The following SLC12A2 variants were observed in gnomAD, a reference collection of about 807,000 sequenced individuals.
The protein encoded by SLC12A2 is solute carrier family 12 member 2.
In SLC12A2, 67 loss-of-function variants were observed where a neutral mutation model predicts 136.3. The observed-to-expected ratio is 0.49, with a 90% CI of 0.40 to 0.60. The LOEUF is 0.60. SLC12A2 is among the 20% of genes least tolerant of loss of function. SLC12A2 has a pLI of 0.00. For synonymous variants in SLC12A2, 619 were observed against 562.9 expected, an observed-to-expected ratio of 1.10 and a Z score of -1.41; for missense variants, 1,322 against 1,534.7, an observed-to-expected ratio of 0.86 and a Z score of 2.32.
intron 1 of SLC12A2, among the ~76,000 whole-genome samples, chr5:128,105,204 C>A (rs928661466): frequency 1.3e-5 from 2 of 152,142 alleles, no homozygotes; most frequent in African/African-American, 4.8e-5. Context: ...GTGGTAAGAT[C>A]AATATTTTAT....
intron 11 of SLC12A2, 85 bp downstream of exon 11, chr5:128,147,814 A>G (rs755817786): frequency 5.9e-5 from 47 of 797,082 alleles, no homozygotes; most frequent in Non-Finnish European, 9.7e-5. Context: ...TTTTCAAATT[A>G]TTTGCTTCTA....
At position 128,187,692 on chromosome 5, in the gene SLC12A2, G is replaced by T. The variant is rs1253072049; in HGVS notation, c.*1061G>T. ...GTTTTTAGGCTTAATTCATTCAATT[G>T]TCAAGTACACTTAGTCTTAATACAC... is the stretch of plus-strand genomic sequence containing the variant. On this transcript the variant is annotated 3_prime_UTR_variant, in exon 27 of 27. Coordinates refer to ENST00000262461, the MANE Select transcript of SLC12A2 (RefSeq NM_001046.3). 2 of 152,486 alleles carry T rather than the reference G, an allele frequency of 1.3e-5. No homozygotes were observed. The highest frequency in any genetic ancestry group is 2.9e-5 in the Non-Finnish European group (2 of 67,970). 9.4% of individuals were successfully genotyped at this position (152,486 alleles called of 1,614,324 possible).
At chr5:128,111,798 A>ATG (rs1242500658) in intron 1 of SLC12A2, among the ~76,000 whole-genome samples, 3 of 139,240 alleles carry the variant, frequency 2.2e-5, no homozygotes, top group Admixed American at 7.2e-5. Flanking sequence ...GCATATATAT[A>ATG]TGTGTGTGTA....
At chr5:128,166,275 G>A (rs550633886) in intron 17 of SLC12A2, among the ~76,000 whole-genome samples, 14 of 152,038 alleles carry the variant, frequency 9.2e-5, no homozygotes, top group East Asian at 3.9e-4. Flanking sequence ...AGCAAAACCC[G>A]TAAAACTCTT....
At chr5:128,135,594 A>G in intron 6 of SLC12A2, 106 bp from the exon 7 acceptor site, 2 of 763,018 alleles carry the variant, frequency 2.6e-6, no homozygotes, top group Admixed American at 4.5e-5. Flanking sequence ...AATCAGGCAA[A>G]ACAAGACAGA....
intron 1 of SLC12A2, among the ~76,000 whole-genome samples, chr5:128,085,676 G>A (rs1462343650): frequency 6.6e-6 from 1 of 152,174 alleles, no homozygotes; most frequent in Non-Finnish European, 1.5e-5. Flanking sequence ...ATTTGTGAAC[G>A]CAAGAGGATG....
chr5:128,086,280 A>G (rs1028147910), intron 1 of SLC12A2, among the ~76,000 whole-genome samples: 1 of 152,184 alleles, frequency 6.6e-6, no homozygotes, highest in Admixed American at 6.5e-5. Flanking sequence ...AAGCACTTCA[A>G]GTTCTCCAAA....
chr5:128,133,953 CAT>C (rs1274976390), intron 5 of SLC12A2, among the ~76,000 whole-genome samples: 2 of 152,012 alleles, frequency 1.3e-5, no homozygotes, highest in African/African-American at 4.8e-5. Flanking sequence ...CATTAATAAT[CAT>C]ACATTTATGT....
chr5:128,151,233 A>G lies in SLC12A2; in HGVS notation c.2108-8A>G, dbSNP rs772485519. On this transcript the variant is annotated splice_region_variant and splice_polypyrimidine_tract_variant and intron_variant, in intron 13 of 26. Transcript: ENST00000262461. The stretch of plus-strand genomic sequence containing the variant: ...TTTGTGTGACTTTTATTTATTTGTT[A>G]TTGTTAGGATGGCGTCCTGCATTCA... 2 of 1,597,652 alleles carry G rather than the reference A, an allele frequency of 1.3e-6. No homozygotes were observed. Among genetic ancestry groups the G allele is most frequent in the Non-Finnish European group, 8.5e-7 (1 of 1,173,108 alleles).
Position 128,178,644 on chromosome 5 carries a change from CAAGGA to C in SLC12A2, c.3059_3063del (p.Gly1020GlufsTer4). ...AGCTAGTACACAGTTTCAGAAAAAACAAGGAAAGAATACTATTGATGTCTGGTGGC... is the reference window on the plus strand; with the variant it reads ...AGCTAGTACACAGTTTCAGAAAAAACAAGAATACTATTGATGTCTGGTGGC... On this transcript the variant is annotated frameshift_variant, in exon 22 of 27. Coordinates refer to ENST00000262461, the MANE Select transcript of SLC12A2 (RefSeq NM_001046.3). LOFTEE classifies it high-confidence loss of function. 6.2e-7 allele frequency: 1 copy of C among 1,600,964 alleles called. No homozygotes were observed. The highest frequency in any genetic ancestry group is 2.3e-5 in the East Asian group (1 of 44,220).
rs867061204 is a variant in SLC12A2 at position 128,165,929 on chromosome 5, C to G, written c.2617-1832C>G. Among the ~76,000 whole-genome samples the G allele has an allele frequency of 1.1e-4, 16 of 146,134 alleles. 1 individual carries two copies. Among genetic ancestry groups the G allele is most frequent in the Middle Eastern group, 7.1e-3 (2 of 280 alleles). On this transcript the variant is annotated intron_variant, in intron 17 of 26. Coordinates refer to ENST00000262461, the MANE Select transcript of SLC12A2 (RefSeq NM_001046.3). ...GGTTTTCTTTTACCTCCCCCCCCCCCCCCCAGTTAAAAATATGCTGTGTGG... is the reference window on the plus strand; with the variant it reads ...GGTTTTCTTTTACCTCCCCCCCCCCGCCCCAGTTAAAAATATGCTGTGTGG...
chr5:128,100,831 T>C (rs1760717784), intron 1 of SLC12A2, among the ~76,000 whole-genome samples: 1 of 152,200 alleles, frequency 6.6e-6, no homozygotes, highest in Admixed American at 6.5e-5. Context: ...CGAATTAAAA[T>C]ATTTTCAAGC....
intron 19 of SLC12A2, among the ~76,000 whole-genome samples, chr5:128,172,492 C>T (rs1763408339): frequency 6.6e-6 from 1 of 152,200 alleles, no homozygotes; most frequent in Admixed American, 6.5e-5. Context: ...CAGAGGTCTC[C>T]CTATGTGTTC....
intron 4 of SLC12A2, 40 bp downstream of exon 4, chr5:128,114,721 C>T (rs113027108): frequency 2.3e-5 from 27 of 1,182,062 alleles, no homozygotes; most frequent in African/African-American, 1.2e-4. Flanking sequence ...TCAGATTACT[C>T]TTACTAAACA....
chr5:128,107,127 A>G lies in SLC12A2; in HGVS notation c.757-5687A>G, dbSNP rs10478799. Among the ~76,000 whole-genome samples, 451 of 152,290 alleles carry G rather than the reference A, an allele frequency of 3.0e-3. 1 individual carries two copies. The highest frequency in any genetic ancestry group is 0.01 in the African/African-American group (422 of 41,568). Reference sequence around the variant, plus strand: ...ATTTGAATAATTGAACAGTTGAATCATCAATCCCTATTCAGAGTCATTTCT... The same window carrying G: ...ATTTGAATAATTGAACAGTTGAATCGTCAATCCCTATTCAGAGTCATTTCT... On this transcript the variant is annotated intron_variant, in intron 1 of 26. Coordinates refer to ENST00000262461, the MANE Select transcript of SLC12A2 (RefSeq NM_001046.3).
intron 4 of SLC12A2, among the ~76,000 whole-genome samples, chr5:128,120,602 C>T (rs1356424317): frequency 2.7e-5 from 4 of 150,820 alleles, no homozygotes; most frequent in East Asian, 3.9e-4. Flanking sequence ...AGTAAACTAT[C>T]GCAAGGACAA....
intron 4 of SLC12A2, among the ~76,000 whole-genome samples, chr5:128,126,807 A>G (rs995362992): frequency 7.3e-5 from 11 of 151,136 alleles, no homozygotes; most frequent in Non-Finnish European, 1.2e-4. Context: ...TTAAAATGTC[A>G]TTTGTCAGAT....
At chr5:128,167,726 T>C (rs1763246144) in intron 17 of SLC12A2, 35 bp from the exon 18 acceptor site, 3 of 1,401,258 alleles carry the variant, frequency 2.1e-6, no homozygotes, top group African/African-American at 1.4e-5. Context: ...TTGAAAATAA[T>C]ATATCTGTAA....
intron 4 of SLC12A2, among the ~76,000 whole-genome samples, chr5:128,126,966 A>ATATATATATATATATATTTT: frequency 4.7e-5 from 1 of 21,160 alleles, no homozygotes; most frequent in African/African-American, 2.5e-4. Flanking sequence ...ATATATATAT[A>ATATATATATATATATATTTT]TTTTTTTTTT....
Sources: allele counts gnomAD v4.1 joint callset (sites outside exome capture counted in the v4.1 genomes callset), GRCh38; gene constraint gnomAD v4.1.1; transcripts MANE v1.5; gene names NCBI Gene and HGNC (gene_info 2026-07-23, HGNC 2026-07-21).